Variants in SUCLG2 observed in about 807,000 individuals in gnomAD.
SUCLG2 encodes the protein succinate--CoA ligase [GDP-forming] subunit beta, mitochondrial.
Under a neutral mutation model 47.9 loss-of-function variants are expected in SUCLG2, and 42 were observed. The ratio of observed to expected loss-of-function variants is 0.88; its 90% CI spans 0.69 to 1.14. The LOEUF is 1.14. Among genes scored for constraint, SUCLG2 ranks in the 50% most tolerant of loss-of-function variants. SUCLG2 has a pLI of 0.00. For synonymous variants in SUCLG2, 195 were observed against 197.3 expected, an observed-to-expected ratio of 0.99 and a Z score of 0.10; for missense variants, 571 against 525.9, an observed-to-expected ratio of 1.09 and a Z score of -0.84.
At chr3:67,566,742 C>T (rs942277367) in intron 2 of SUCLG2, among the ~76,000 whole-genome samples, 17 of 152,202 alleles carry the variant, frequency 1.1e-4, no homozygotes, top group African/African-American at 4.1e-4. Context: ...CACTATGTTT[C>T]TCTCTGTGGT....
chr3:67,426,719 G>A (rs1267428063), intron 9 of SUCLG2, among the ~76,000 whole-genome samples: 3 of 152,172 alleles, frequency 2.0e-5, no homozygotes, highest in Admixed American at 2.0e-4. Flanking sequence ...CACGAGGTCA[G>A]GAGATCAAGA....
intron 9 of SUCLG2, among the ~76,000 whole-genome samples, chr3:67,410,220 T>A (rs1702904455): frequency 6.6e-6 from 1 of 152,194 alleles, no homozygotes; most frequent in Non-Finnish European, 1.5e-5. Flanking sequence ...CATTTCATTA[T>A]TTAGGTCAAA....
chr3:67,408,969 T>C, intron 9 of SUCLG2: 2 of 1,535,164 alleles, frequency 1.3e-6, no homozygotes, highest in Non-Finnish European at 1.7e-6. Context: ...ATTTCCAAGC[T>C]TCAAGAACGT....
intron 9 of SUCLG2, among the ~76,000 whole-genome samples, chr3:67,481,048 T>C (rs560467894): frequency 6.6e-6 from 1 of 152,280 alleles, no homozygotes; most frequent in East Asian, 1.9e-4. Flanking sequence ...ACATATCATC[T>C]ACACTCATAG....
At chr3:67,405,474 T>C (rs1427854129) in intron 9 of SUCLG2, among the ~76,000 whole-genome samples, 4 of 152,190 alleles carry the variant, frequency 2.6e-5, no homozygotes, top group Admixed American at 1.3e-4. Flanking sequence ...CTGATGAATA[T>C]TAGGGATTCC....
intron 4 of SUCLG2, among the ~76,000 whole-genome samples, chr3:67,525,631 A>G (rs1410664320): frequency 6.6e-6 from 1 of 152,178 alleles, no homozygotes; most frequent in Non-Finnish European, 1.5e-5. Flanking sequence ...TCAAAAGTCA[A>G]CTCAAAATGG....
At chr3:67,624,849 C>T (rs987194483) in intron 1 of SUCLG2, among the ~76,000 whole-genome samples, 2 of 152,184 alleles carry the variant, frequency 1.3e-5, no homozygotes, top group Non-Finnish European at 2.9e-5. Context: ...ATGAGCCTGT[C>T]ACACTGTCCA....
At chr3:67,543,230 T>A (rs535071841) in intron 2 of SUCLG2, among the ~76,000 whole-genome samples, 1 of 152,222 alleles carries the variant, frequency 6.6e-6, no homozygotes, top group Non-Finnish European at 1.5e-5. Flanking sequence ...ATAAATTAAG[T>A]ATATTTTTAA....
intron 10 of SUCLG2, among the ~76,000 whole-genome samples, chr3:67,397,219 G>A (rs1282472534): frequency 6.6e-6 from 1 of 152,206 alleles, no homozygotes; most frequent in African/African-American, 2.4e-5. Context: ...ATTAGGAAAA[G>A]AGGAAGCCCA....
chr3:67,649,019 A>G (rs1295964719), intron 1 of SUCLG2, among the ~76,000 whole-genome samples: 1 of 152,264 alleles, frequency 6.6e-6, no homozygotes, highest in African/African-American at 2.4e-5. Context: ...GTCAAGTGTT[A>G]TAAAGAACAA....
Position 67,490,116 on chromosome 3 carries a change from G to A in SUCLG2, c.1062+5682C>T, listed in dbSNP as rs182982342. 2.1e-3 allele frequency among the ~76,000 whole-genome samples: 320 copies of A among 152,210 alleles called. 1 individual carries two copies. Among genetic ancestry groups the A allele is most frequent in the Non-Finnish European group, 2.5e-3 (168 of 68,022 alleles). On this transcript the variant is annotated intron_variant, in intron 9 of 10. Coordinates refer to ENST00000307227, the MANE Select transcript of SUCLG2 (RefSeq NM_003848.4). ...CTTTTGGTTTGGAGCTGCTCAATCC[G>A]TGAATCACTGGTTATTCAAATCAAC... is the stretch of plus-strand genomic sequence containing the variant.
chr3:67,464,505 C>T (rs1032281053), intron 9 of SUCLG2, among the ~76,000 whole-genome samples: 1 of 152,316 alleles, frequency 6.6e-6, no homozygotes, highest in East Asian at 1.9e-4. Flanking sequence ...AAAAGCCAGT[C>T]TCAAAGATCT....
chr3:67,596,303 T>A (rs1056404645), intron 2 of SUCLG2, among the ~76,000 whole-genome samples: 2 of 152,304 alleles, frequency 1.3e-5, no homozygotes, highest in Admixed American at 6.5e-5. Context: ...TTATTACTTC[T>A]CTGTTTAAAG....
chr3:67,623,230 G>A (rs1278432223), intron 1 of SUCLG2, among the ~76,000 whole-genome samples: 1 of 152,134 alleles, frequency 6.6e-6, no homozygotes, highest in East Asian at 1.9e-4. Context: ...GCTGGGCGTG[G>A]TGGCTCACGC....
Position 67,495,794 on chromosome 3 carries a change from T to C in SUCLG2, c.1062+4A>G, listed in dbSNP as rs2107060393. 2 of 1,613,348 alleles carry C rather than the reference T, an allele frequency of 1.2e-6. No homozygotes were observed. The highest frequency in any genetic ancestry group is 1.7e-6 in the Non-Finnish European group (2 of 1,179,910). ...TATAATCTCCCTACAAAGAGAAAGG[T>C]TACCTTAGGATCAGCTGTGAGCAAT... On this transcript the variant is annotated splice_donor_region_variant and intron_variant, in intron 9 of 10. Coordinates refer to ENST00000307227, the MANE Select transcript of SUCLG2 (RefSeq NM_003848.4).
chr3:67,557,097 A>G (rs186947736), intron 2 of SUCLG2, among the ~76,000 whole-genome samples: 20 of 152,278 alleles, frequency 1.3e-4, no homozygotes, highest in African/African-American at 4.6e-4. Flanking sequence ...TCCCAACTAG[A>G]ATTCTAGACA....
At chr3:67,653,358 C>T (rs1284065276) in intron 1 of SUCLG2, among the ~76,000 whole-genome samples, 1 of 152,034 alleles carries the variant, frequency 6.6e-6, no homozygotes, top group South Asian at 2.1e-4. Flanking sequence ...CTGTCAAGCA[C>T]CTATTAAGAA....
intron 1 of SUCLG2, among the ~76,000 whole-genome samples, chr3:67,619,813 A>C (rs1700701678): frequency 6.6e-6 from 1 of 152,334 alleles, no homozygotes; most frequent in Admixed American, 6.5e-5. Flanking sequence ...GGGAGGGAAA[A>C]AAATACAACC....
chr3:67,522,583 T>G (rs368468289), intron 4 of SUCLG2, among the ~76,000 whole-genome samples: 1 of 151,760 alleles, frequency 6.6e-6, no homozygotes, highest in Admixed American at 6.6e-5. Context: ...CTTGGATGTT[T>G]AAAGAATATA....
Sources: gnomAD v4.1 joint callset for allele counts (sites outside exome capture counted in the v4.1 genomes callset) on GRCh38, gnomAD v4.1.1 for gene constraint, MANE v1.5 for transcripts, NCBI Gene and HGNC (gene_info 2026-07-23, HGNC 2026-07-21) for gene names.